PDE6B: variants seen among roughly 807,000 people sequenced by gnomAD.
PDE6B encodes the protein rod cGMP-specific 3',5'-cyclic phosphodiesterase subunit beta.
A neutral mutation model predicts 109.0 loss-of-function variants in PDE6B; 106 were observed. The ratio of observed to expected loss-of-function variants is 0.97; its 90% CI spans 0.83 to 1.14. PDE6B has a LOEUF of 1.14. PDE6B is among the 50% of genes most tolerant of loss of function. The pLI, the probability that PDE6B is intolerant of heterozygous loss-of-function variation, is 0.00. For missense variants in PDE6B, 1,193 were observed against 1,155.6 expected (o/e 1.03, Z -0.47); for synonymous variants, 490 against 471.3 (o/e 1.04, Z -0.51).
chr4:666,441 A>G lies in PDE6B; in HGVS notation c.2269-90A>G. 1 of 832,658 alleles carries G rather than the reference A, an allele frequency of 1.2e-6. No individual in the cohort carries two copies. Among genetic ancestry groups the G allele is most frequent in the East Asian group, 2.4e-5 (1 of 41,036 alleles). The allele number at this position is 832,658 out of a possible 1,614,324, so 51.6% of individuals were successfully genotyped here. A position where few individuals can be genotyped will look rare whatever the true frequency, so the allele number is the denominator to read the frequency against. The stretch of plus-strand genomic sequence containing the variant: ...CGTCCCAGGCTGTGTCTCCATGAGC[A>G]CATCTGAGTGAGGGGGTCGGGGGGC... On this transcript the variant is annotated intron_variant, in intron 19 of 21. Transcript: ENST00000496514. This position sits in a 1 kb window ranked among gnomAD's most constrained non-coding sequence, Gnocchi z 5.6.
At chr4:639,844 G>A (rs980491217) in intron 3 of PDE6B, among the ~76,000 whole-genome samples, 2 of 152,078 alleles carry the variant, frequency 1.3e-5, no homozygotes, top group Non-Finnish European at 2.9e-5. Context: ...GGTGGCGCAT[G>A]CCTGTAGTCC....
At chr4:656,818 G>T (rs558667531) in intron 8 of PDE6B, 56 bp from the exon 9 acceptor site, 1 of 1,586,562 alleles carries the variant, frequency 6.3e-7, no homozygotes, top group Admixed American at 1.7e-5. Context: ...CCGGCCACAC[G>T]CCCGGGCCAG....
chr4:638,426 G>A lies in PDE6B; in HGVS notation c.711+2457G>A, dbSNP rs543290483. ...CAACCTCCGCCTCCCAGGTTCAAGC[G>A]ATTCTCCTGCCTCAGCCTCCAGAGT... On this transcript the variant is annotated intron_variant, in intron 3 of 21. Transcript: ENST00000496514. Among the ~76,000 whole-genome samples the A allele has an allele frequency of 2.0e-5, 3 of 152,058 alleles. No individual in the cohort carries two copies. In the South Asian group the frequency reaches 6.3e-4, roughly 32 times the overall value.
At chr4:644,207 G>A (rs1036373974) in intron 3 of PDE6B, among the ~76,000 whole-genome samples, 2 of 151,372 alleles carry the variant, frequency 1.3e-5, no homozygotes, top group South Asian at 2.1e-4. Flanking sequence ...GTGAGCCACC[G>A]TGCCCCTAGT....
Position 665,550 on chromosome 4 carries a change from C to T in PDE6B, c.2268+221C>T, listed in dbSNP as rs1737699874. ...TTATGCAGAGGTGACGTCGTTGGCA[C>T]TGGAGGAACCAGGGCCACCCGCTCA... On this transcript the variant is annotated intron_variant, in intron 19 of 21. Coordinates refer to ENST00000496514, the MANE Select transcript of PDE6B (RefSeq NM_000283.4). This position sits in a 1 kb window ranked among gnomAD's most constrained non-coding sequence, Gnocchi z 4.0. Among the ~76,000 whole-genome samples the T allele has an allele frequency of 6.6e-6, 1 of 152,152 alleles. No individual in the cohort carries two copies. Among genetic ancestry groups the T allele is most frequent in the African/African-American group, 2.4e-5 (1 of 41,440 alleles).
chr4:663,088 C>T lies in PDE6B; in HGVS notation c.1833-12C>T. The T allele has an allele frequency of 1.3e-6, 2 of 1,552,848 alleles. No homozygotes were observed. Among genetic ancestry groups the T allele is most frequent in the South Asian group, 1.1e-5 (1 of 89,920 alleles). On this transcript the variant is annotated splice_polypyrimidine_tract_variant and intron_variant, in intron 14 of 21. Transcript: ENST00000496514. This position sits in a 1 kb window ranked among gnomAD's most constrained non-coding sequence, Gnocchi z 4.0. ...GGTCCCACGGGCCTCACCTCCACCACCTGTGTAACAGGTCCCAGAACCCCT... is the reference window on the plus strand; with the variant it reads ...GGTCCCACGGGCCTCACCTCCACCATCTGTGTAACAGGTCCCAGAACCCCT...
chr4:662,252 G>A lies in PDE6B; in HGVS notation c.1722+11G>A. 1.4e-6 allele frequency: 2 copies of A among 1,474,468 alleles called. No individual in the cohort carries two copies. The highest frequency in any genetic ancestry group is 1.2e-5 in the South Asian group (1 of 83,028). The allele number at this position is 1,474,468 out of a possible 1,614,324, so 91.3% of individuals were successfully genotyped here. A position where few individuals can be genotyped will look rare whatever the true frequency, so the allele number is the denominator to read the frequency against. ...TTCACGCTGCTCATGGTACGTGGCTGCCAGAATCACCAGGGTTGTGCAGGC... is the reference window on the plus strand; with the variant it reads ...TTCACGCTGCTCATGGTACGTGGCTACCAGAATCACCAGGGTTGTGCAGGC... On this transcript the variant is annotated intron_variant, in intron 13 of 21. Transcript: ENST00000496514. The surrounding 1 kb of genome is among the most constrained non-coding windows in gnomAD (Gnocchi z 4.3).
intron 10 of PDE6B, among the ~76,000 whole-genome samples, chr4:658,686 CAG>C (rs1560127030): frequency 6.6e-6 from 1 of 152,180 alleles, no homozygotes; most frequent in African/African-American, 2.4e-5. Context: ...CTTGCATGGC[CAG>C]AGCCCTCCTG....
In PDE6B at chr4:663,231, G is replaced by GTCCC; in HGVS notation, c.1920+44_1920+45insTCCC. ...GGTTTCTGCTGTGGGCGCTGGGGACGCAGCGTCCGCAGGACGGCAGGGCCG... is the reference window on the plus strand; with the variant it reads ...GGTTTCTGCTGTGGGCGCTGGGGACGTCCCCAGCGTCCGCAGGACGGCAGGGCCG... On this transcript the variant is annotated intron_variant, in intron 15 of 21. Coordinates refer to ENST00000496514, the MANE Select transcript of PDE6B (RefSeq NM_000283.4). The surrounding 1 kb of genome is among the most constrained non-coding windows in gnomAD (Gnocchi z 4.0). 5 of 1,060,712 alleles carry GTCCC rather than the reference G, an allele frequency of 4.7e-6. No homozygotes were observed. Among genetic ancestry groups the GTCCC allele is most frequent in the Non-Finnish European group, 7.4e-6 (5 of 674,654 alleles). 65.7% of individuals were successfully genotyped at this position (1,060,712 alleles called of 1,614,324 possible).
chr4:644,931 C>G (rs904148455), intron 3 of PDE6B, among the ~76,000 whole-genome samples: 21 of 152,054 alleles, frequency 1.4e-4, no homozygotes, highest in African/African-American at 2.7e-4. Context: ...GTGGAGGATG[C>G]GTCTCTCCTT....
At chr4:635,692 A>G (rs188885070) in intron 2 of PDE6B, among the ~76,000 whole-genome samples, 188 bp from the exon 3 acceptor site, 1 of 152,222 alleles carries the variant, frequency 6.6e-6, no homozygotes, top group African/African-American at 2.4e-5. Flanking sequence ...TGTAAGAGAG[A>G]GAGATAGCTT....
At chr4:661,645 C>T (rs1230343662) in intron 12 of PDE6B, 1 of 153,710 alleles carries the variant, frequency 6.5e-6, no homozygotes, top group African/African-American at 2.4e-5. Context: ...AAATAATTTT[C>T]TGACCCTAAA....
intron 1 of PDE6B, among the ~76,000 whole-genome samples, chr4:632,222 G>A (rs1734420322): frequency 6.6e-6 from 1 of 151,926 alleles, no homozygotes; most frequent in African/African-American, 2.4e-5. Context: ...GTGAATCCAT[G>A]TGGTATCAGC....
intron 1 of PDE6B, among the ~76,000 whole-genome samples, chr4:628,454 C>T (rs557519169): frequency 2.0e-5 from 3 of 152,336 alleles, no homozygotes; most frequent in African/African-American, 4.8e-5. Context: ...CCGGGCCACC[C>T]GGAGTCTCGC....
In PDE6B at chr4:660,487, C is replaced by T. The variant is rs372468088; in HGVS notation, c.1488C>T (p.Pro496=). The T allele has an allele frequency of 6.2e-7, 1 of 1,613,960 alleles. No individual in the cohort carries two copies. The highest frequency in any genetic ancestry group is 1.1e-5 in the South Asian group (1 of 91,082). ...CACAGAAGGAGGAGCTGCCAGGGCC[C>T]ACCACATTTGACATCTACGAATTCC... ...GEILKEELPG[P]TTFDIYEFHF... The change falls in exon 12 of 22, where the codon CCC becomes CCT. Residue 496 remains proline (P), a synonymous_variant. Coordinates refer to ENST00000496514, the MANE Select transcript of PDE6B (RefSeq NM_000283.4).
chr4:659,710 G>C (rs1736833303), intron 11 of PDE6B, among the ~76,000 whole-genome samples: 2 of 148,510 alleles, frequency 1.3e-5, no homozygotes, highest in South Asian at 4.2e-4. Context: ...GTGTGTGTGT[G>C]CCCGTGTGTG....
chr4:655,943 A>G lies in PDE6B; in HGVS notation c.996A>G (p.Thr332=), dbSNP rs768729007. The G allele has an allele frequency of 1.2e-6, 2 of 1,606,758 alleles. No individual in the cohort carries two copies. The highest frequency in any genetic ancestry group is 4.5e-5 in the East Asian group (2 of 44,828). Residue 332 remains threonine (T), a synonymous_variant, in exon 7 of 22, where the codon ACA becomes ACG. Coordinates refer to ENST00000496514, the MANE Select transcript of PDE6B (RefSeq NM_000283.4). ...HGKEEIKVIP[T]PSADHWALAS... ...GACCCCTGCTCTCTGCCCACAGCAC[A>G]CCCTCAGCCGATCACTGGGCCCTGG...
chr4:633,602 C>T lies in PDE6B; in HGVS notation c.469-1075C>T, dbSNP rs538430670. Reference sequence around the variant, plus strand: ...GAGGCGCATCCCAGGAGCTCCCATTCAGCTGGCGCAGTGGCTGAGGGCAGA... The same window carrying T: ...GAGGCGCATCCCAGGAGCTCCCATTTAGCTGGCGCAGTGGCTGAGGGCAGA... On this transcript the variant is annotated intron_variant, in intron 1 of 21. Coordinates refer to ENST00000496514, the MANE Select transcript of PDE6B (RefSeq NM_000283.4). This position sits in a 1 kb window ranked among gnomAD's most constrained non-coding sequence, Gnocchi z 4.5. 6.6e-6 allele frequency among the ~76,000 whole-genome samples: 1 copy of T among 152,198 alleles called. No homozygotes were observed. The highest frequency in any genetic ancestry group is 1.9e-4 in the East Asian group (1 of 5,196).
chr4:667,846 C>T lies in PDE6B; in HGVS notation c.2353-10C>T. 6.8e-6 allele frequency: 11 copies of T among 1,612,402 alleles called. No homozygotes were observed. The highest frequency in any genetic ancestry group is 9.3e-6 in the Non-Finnish European group (11 of 1,179,026). Reference sequence around the variant, plus strand: ...GACAGGACTGGTGGTGACTTCTCGACTCCCCTCAGGAGTTCTCTCGTTTCC... The same window carrying T: ...GACAGGACTGGTGGTGACTTCTCGATTCCCCTCAGGAGTTCTCTCGTTTCC... On this transcript the variant is annotated splice_polypyrimidine_tract_variant and intron_variant, in intron 20 of 21. Transcript: ENST00000496514.
Sources: allele counts gnomAD v4.1 joint callset (sites outside exome capture counted in the v4.1 genomes callset), GRCh38; gene constraint gnomAD v4.1.1; non-coding constraint Gnocchi (gnomAD v3.1); transcripts MANE v1.5; gene names NCBI Gene and HGNC (gene_info 2026-07-23, HGNC 2026-07-21).